The following LDB2 variants were observed in gnomAD, a reference collection of about 807,000 sequenced individuals.
LDB2 encodes the protein LIM domain binding 2, also known as LIM domain-binding protein 2.
LDB2 carries 12 observed loss-of-function variants against 44.3 expected under a neutral mutation model. The ratio of observed to expected loss-of-function variants is 0.27; its 90% confidence interval spans 0.17 to 0.44. LDB2 has a LOEUF of 0.44. Ranked by LOEUF, LDB2 falls within the 20% of genes least tolerant of loss-of-function variation. The probability of loss-of-function intolerance (pLI) is 1.00; values close to 1 mark genes in which losing one functional copy is unlikely to be tolerated. For synonymous variants in LDB2, 164 were observed against 174.8 expected (o/e 0.94, Z 0.49); for missense variants, 344 against 473.5 (o/e 0.73, Z 2.54).
intron 1 of LDB2, among the ~76,000 whole-genome samples, chr4:16,806,382 A>T (rs1193495284): frequency 6.6e-6 from 1 of 152,100 alleles, no homozygotes; most frequent in African/African-American, 2.4e-5. Flanking sequence ...TTCTCCAGAG[A>T]TCCAGCTCAG....
At chr4:16,680,721 C>T (rs6826683) in intron 2 of LDB2, among the ~76,000 whole-genome samples, 3,438 of 152,298 alleles carry the variant, frequency 0.023, 48 homozygotes, top group Middle Eastern at 0.054. Context: ...CAGAGCCTTT[C>T]TCTACTTTTT....
chr4:16,529,878 A>G (rs969431016), intron 5 of LDB2, among the ~76,000 whole-genome samples: 3 of 152,188 alleles, frequency 2.0e-5, no homozygotes, highest in African/African-American at 7.2e-5. Flanking sequence ...GATGCTGCCC[A>G]TTCAGGCATT....
chr4:16,799,017 A>AT (rs982810620), intron 1 of LDB2, among the ~76,000 whole-genome samples: 39 of 151,216 alleles, frequency 2.6e-4, no homozygotes, highest in South Asian at 6.3e-4. Flanking sequence ...CACCCGGCTA[A>AT]TTTTTTTTTG....
intron 2 of LDB2, among the ~76,000 whole-genome samples, chr4:16,622,395 T>C (rs148137523): frequency 0.014 from 2,202 of 152,310 alleles, 32 homozygotes; most frequent in South Asian, 0.047. Context: ...CCAGGATAGA[T>C]ACAAATCACA....
At chr4:16,716,932 G>A (rs1757176541) in intron 2 of LDB2, among the ~76,000 whole-genome samples, 1 of 151,608 alleles carries the variant, frequency 6.6e-6, no homozygotes, top group Non-Finnish European at 1.5e-5. Flanking sequence ...TGGATATGGT[G>A]GTTTAAAATG....
intron 2 of LDB2, among the ~76,000 whole-genome samples, chr4:16,686,947 C>T (rs928766872): frequency 6.6e-6 from 1 of 152,080 alleles, no homozygotes; most frequent in Non-Finnish European, 1.5e-5. Flanking sequence ...TCTCTTTGGT[C>T]TCTTATTCCT....
intron 1 of LDB2, among the ~76,000 whole-genome samples, chr4:16,813,466 GA>G (rs1486672737): frequency 1.3e-5 from 2 of 152,180 alleles, no homozygotes; most frequent in African/African-American, 4.8e-5. Context: ...GCAAATGAGA[GA>G]AAGTCACCTT....
intron 2 of LDB2, among the ~76,000 whole-genome samples, chr4:16,697,290 C>T (rs1752370476): frequency 6.6e-6 from 1 of 151,318 alleles, no homozygotes. Context: ...CACACACACA[C>T]ACACACACAC....
chr4:16,675,707 A>G (rs1746104826), intron 2 of LDB2, among the ~76,000 whole-genome samples: 1 of 152,192 alleles, frequency 6.6e-6, no homozygotes, highest in African/African-American at 2.4e-5. Flanking sequence ...ATGTCTTAAT[A>G]TATTAATAGC....
chr4:16,892,181 C>T (rs540013534), intron 1 of LDB2, among the ~76,000 whole-genome samples: 21 of 152,178 alleles, frequency 1.4e-4, no homozygotes, highest in East Asian at 1.9e-4. Flanking sequence ...CACGATACAC[C>T]GTGTATTAAC....
chr4:16,825,088 G>A (rs1479075820), intron 1 of LDB2, among the ~76,000 whole-genome samples: 3 of 152,122 alleles, frequency 2.0e-5, no homozygotes, highest in African/African-American at 7.2e-5. Flanking sequence ...TCCTGGAGGG[G>A]GTGGCTGGAA....
intron 5 of LDB2, among the ~76,000 whole-genome samples, chr4:16,519,075 C>T (rs1182186933): frequency 1.3e-5 from 2 of 152,176 alleles, no homozygotes; most frequent in African/African-American, 4.8e-5. Flanking sequence ...AGAAATTTTC[C>T]TTTCTTGTGG....
At chr4:16,571,743 C>T (rs1746602182) in intron 5 of LDB2, among the ~76,000 whole-genome samples, 1 of 152,168 alleles carries the variant, frequency 6.6e-6, no homozygotes, top group Admixed American at 6.5e-5. Context: ...GGTAGGACTC[C>T]AAGATACTAG....
At chr4:16,855,914 T>C (rs986115867) in intron 1 of LDB2, among the ~76,000 whole-genome samples, 4 of 152,264 alleles carry the variant, frequency 2.6e-5, no homozygotes, top group African/African-American at 9.6e-5. Flanking sequence ...GATTTTAATA[T>C]TACAGAGCAT....
intron 1 of LDB2, among the ~76,000 whole-genome samples, chr4:16,894,157 AT>A (rs1724235317): frequency 6.6e-6 from 1 of 152,142 alleles, no homozygotes; most frequent in Admixed American, 6.5e-5. Flanking sequence ...ATCTGACTGT[AT>A]TGTGTGTACA....
chr4:16,583,169 G>A (rs1715402468), intron 5 of LDB2, among the ~76,000 whole-genome samples: 1 of 152,124 alleles, frequency 6.6e-6, no homozygotes, highest in African/African-American at 2.4e-5. Flanking sequence ...GAATTTCATT[G>A]GAATAAATGA....
chr4:16,602,000 C>T (rs768858618), intron 2 of LDB2, among the ~76,000 whole-genome samples: 3 of 151,964 alleles, frequency 2.0e-5, no homozygotes, highest in Non-Finnish European at 2.9e-5. Context: ...GAATGCAAGT[C>T]GAATTAATTA....
chr4:16,632,355 G>T (rs1281670127), intron 2 of LDB2, among the ~76,000 whole-genome samples: 1 of 152,164 alleles, frequency 6.6e-6, no homozygotes, highest in African/African-American at 2.4e-5. Context: ...AATAGATGCA[G>T]AAAAGGCCTT....
chr4:16,711,780 A>G (rs10222866), intron 2 of LDB2, among the ~76,000 whole-genome samples: 12,649 of 152,242 alleles, frequency 0.083, 836 homozygotes, highest in East Asian at 0.41. Flanking sequence ...TACAGAAACA[A>G]ACCCTTTCAT....
Sources: gnomAD v4.1 joint callset for allele counts (sites outside exome capture counted in the v4.1 genomes callset) on GRCh38, gnomAD v4.1.1 for gene constraint, MANE v1.5 for transcripts, NCBI Gene and HGNC (gene_info 2026-07-23, HGNC 2026-07-21) for gene names.